LARP1B: variants seen among roughly 807,000 people sequenced by gnomAD.
The protein encoded by LARP1B is la-related protein 1B.
In LARP1B, 76 loss-of-function variants were observed where a neutral mutation model predicts 114.2. The ratio of observed to expected loss-of-function variants is 0.67; its 90% CI spans 0.55 to 0.81. The LOEUF is 0.81. Ranked by LOEUF, LARP1B falls within the 30% of genes least tolerant of loss-of-function variation. The probability of loss-of-function intolerance (pLI) is 0.00; values close to 1 mark genes in which losing one functional copy is unlikely to be tolerated. For missense variants in LARP1B, 1,014 were observed against 1,075.8 expected, an observed-to-expected ratio of 0.94 and a Z score of 0.80; for synonymous variants, 345 against 348.0, an observed-to-expected ratio of 0.99 and a Z score of 0.10.
In LARP1B at chr4:128,209,934, C is replaced by T; in HGVS notation, c.2626C>T (p.Pro876Ser). The T allele has an allele frequency of 6.2e-7, 1 of 1,613,920 alleles. No homozygotes were observed. The highest frequency in any genetic ancestry group is 8.5e-7 in the Non-Finnish European group (1 of 1,179,830). ...GGAGAGTAATCGTCATAGACTTCCACCTAATTCCTCTACAAAGCCACCAAA... is the reference window on the plus strand; with the variant it reads ...GGAGAGTAATCGTCATAGACTTCCATCTAATTCCTCTACAAAGCCACCAAA... ...GEESNRHRLPPNSSTKPPNAA... is the reference protein window; with the variant it reads ...GEESNRHRLPSNSSTKPPNAA... Residue 876 changes from proline (P) to serine (S), a missense_variant, in exon 20 of 20, where the codon CCT (proline) becomes TCT (serine). Transcript: ENST00000326639.
chr4:128,071,192 G>A (rs1417229916), intron 1 of LARP1B, among the ~76,000 whole-genome samples: 7 of 151,480 alleles, frequency 4.6e-5, no homozygotes, highest in African/African-American at 1.2e-4. Context: ...GACTACAGGC[G>A]CCCGCCACCA....
intron 10 of LARP1B, among the ~76,000 whole-genome samples, chr4:128,121,041 C>T (rs1787784516): frequency 1.3e-5 from 2 of 151,182 alleles, no homozygotes; most frequent in Admixed American, 1.3e-4. Context: ...GAACTCCTGA[C>T]CTTGTGATCC....
chr4:128,212,492 A>C (rs934463339), downstream of LARP1B, among the ~76,000 whole-genome samples: 1 of 151,964 alleles, frequency 6.6e-6, no homozygotes, highest in Non-Finnish European at 1.5e-5. Flanking sequence ...CTAAAAATAC[A>C]AAAAACTAGC....
At chr4:128,187,501 G>T (rs1007052665) in intron 15 of LARP1B, among the ~76,000 whole-genome samples, 4 of 152,196 alleles carry the variant, frequency 2.6e-5, no homozygotes, top group Non-Finnish European at 5.9e-5. Context: ...TTTACCCAAG[G>T]CCTATACCTC....
In LARP1B at chr4:128,211,933, A is replaced by G. The variant is rs1328448131; in HGVS notation, c.*1880A>G. Reference sequence around the variant, plus strand: ...GTAATACATGTACATTGGGAAATTTAGAAAAGCACAAAGAAGAAAATAAAG... The same window carrying G: ...GTAATACATGTACATTGGGAAATTTGGAAAAGCACAAAGAAGAAAATAAAG... On this transcript the variant is annotated 3_prime_UTR_variant, in exon 20 of 20. Transcript: ENST00000326639. 3.8e-6 allele frequency: 1 copy of G among 264,900 alleles called. No homozygotes were observed. Among genetic ancestry groups the G allele is most frequent in the East Asian group, 1.8e-4 (1 of 5,684 alleles). The allele number at this position is 264,900 out of a possible 1,614,324, so 16.4% of individuals were successfully genotyped here. A position where few individuals can be genotyped will look rare whatever the true frequency, so the allele number is the denominator to read the frequency against.
At chr4:128,080,623 G>T (rs558151368) in intron 4 of LARP1B, among the ~76,000 whole-genome samples, 1 of 152,232 alleles carries the variant, frequency 6.6e-6, no homozygotes, top group African/African-American at 2.4e-5. Flanking sequence ...AGAAAATTTA[G>T]ATTGGGCAGA....
chr4:128,166,409 T>G (rs1456371292), intron 12 of LARP1B, among the ~76,000 whole-genome samples: 1 of 151,956 alleles, frequency 6.6e-6, no homozygotes, highest in African/African-American at 2.4e-5. Flanking sequence ...CTAGCCTGTC[T>G]CCCTCCTTTC....
chr4:128,173,217 A>C (rs940772144), intron 12 of LARP1B, among the ~76,000 whole-genome samples: 6 of 152,136 alleles, frequency 3.9e-5, no homozygotes, highest in Non-Finnish European at 7.4e-5. Context: ...GGCTGAAACT[A>C]GCCTGCCACG....
At chr4:128,066,369 G>A (rs62335637) in intron 1 of LARP1B, among the ~76,000 whole-genome samples, 87,829 of 150,990 alleles carry the variant, frequency 0.58, 26,480 homozygotes, top group Middle Eastern at 0.8. Flanking sequence ...TAGTAGAGAC[G>A]GGATTTCACC....
intron 11 of LARP1B, among the ~76,000 whole-genome samples, chr4:128,132,111 A>G (rs141911272): frequency 5.3e-5 from 8 of 152,336 alleles, no homozygotes; most frequent in South Asian, 2.1e-4. Context: ...GTTCTTGTAC[A>G]TGAATGTTCA....
rs552805263 is a variant in LARP1B at position 128,078,103 on chromosome 4, C to T, written c.217+141C>T. 119 of 548,244 alleles carry T rather than the reference C, an allele frequency of 2.2e-4. 1 individual carries two copies. The highest frequency in any genetic ancestry group is 5.0e-4 in the Middle Eastern group (1 of 2,014). 34.0% of individuals were successfully genotyped at this position (548,244 alleles called of 1,614,324 possible). A position where few individuals can be genotyped will look rare whatever the true frequency, so the allele number is the denominator to read the frequency against. On this transcript the variant is annotated intron_variant, in intron 4 of 19. Coordinates refer to ENST00000326639, the MANE Select transcript of LARP1B (RefSeq NM_018078.4). ...GGATAAACAATCTGCAGAGGTAACT[C>T]ATTTGCTTTTGTAACATTTCTGAAC...
intron 5 of LARP1B, among the ~76,000 whole-genome samples, chr4:128,085,353 C>CTTTTTTTTTTT (rs35260726): frequency 1.2e-5 from 1 of 85,846 alleles, no homozygotes; most frequent in Non-Finnish European, 2.1e-5. Flanking sequence ...CCTTAGCTTC[C>CTTTTTTTTTTT]TTTTTTTTTT....
intron 11 of LARP1B, among the ~76,000 whole-genome samples, chr4:128,149,516 G>A (rs1309347474): frequency 1.3e-5 from 2 of 152,132 alleles, no homozygotes; most frequent in African/African-American, 4.8e-5. Flanking sequence ...AATAACCTAC[G>A]TGAGAATGAA....
chr4:128,212,535 T>TA (rs1280009840), downstream of LARP1B, among the ~76,000 whole-genome samples: 2 of 151,926 alleles, frequency 1.3e-5, no homozygotes, highest in Non-Finnish European at 2.9e-5. Context: ...TAATCTCAGC[T>TA]ACTGGGGAGG....
At chr4:128,181,931 G>T (rs1444707421) in intron 15 of LARP1B, among the ~76,000 whole-genome samples, 1 of 150,310 alleles carries the variant, frequency 6.7e-6, no homozygotes, top group Non-Finnish European at 1.5e-5. Context: ...TCAGCCTCCT[G>T]AGTAGCTGGG....
Position 128,091,075 on chromosome 4 carries a change from C to G in LARP1B, c.433C>G (p.Arg145Gly), listed in dbSNP as rs758035260. The G allele has an allele frequency of 6.2e-7, 1 of 1,613,746 alleles. No homozygotes were observed. The highest frequency in any genetic ancestry group is 2.2e-5 in the East Asian group (1 of 44,872). ...TGTGAGAAGTGAGGGTGGTAATATCCGAGGTTCCTTTAGAGGTCGAGGAAG... is the reference window on the plus strand; with the variant it reads ...TGTGAGAAGTGAGGGTGGTAATATCGGAGGTTCCTTTAGAGGTCGAGGAAG... ...SSVRSEGGNI[R>G]GSFRGRGRGR... The change falls in exon 6 of 20, where the codon CGA (arginine) becomes GGA (glycine). Residue 145 changes from arginine (R) to glycine (G), a missense_variant. By Grantham distance (125) the Arg-to-Gly change is moderately radical. Transcript: ENST00000326639.
Position 128,210,202 on chromosome 4 carries a change from G to A in LARP1B, c.*149G>A. On this transcript the variant is annotated 3_prime_UTR_variant, in exon 20 of 20. Transcript: ENST00000326639. ...GGTGTTTAATTGTGATAATAAGAAA[G>A]AAGAAAAAGAAAGAAAAGTGGTAGC... The A allele has an allele frequency of 1.4e-6, 2 of 1,433,300 alleles. No homozygotes were observed. The highest frequency in any genetic ancestry group is 1.4e-5 in the African/African-American group (1 of 69,908). The allele number at this position is 1,433,300 out of a possible 1,614,324, so 88.8% of individuals were successfully genotyped here.
intron 15 of LARP1B, 56 bp from the exon 16 acceptor site, chr4:128,199,383 A>G (rs1755222030): frequency 7.2e-7 from 1 of 1,383,302 alleles, no homozygotes; most frequent in Non-Finnish European, 9.6e-7. Context: ...AAATTGGTTC[A>G]TATACTTGGT....
At chr4:128,100,257 G>A (rs965100331) in intron 8 of LARP1B, among the ~76,000 whole-genome samples, 1 of 149,070 alleles carries the variant, frequency 6.7e-6, no homozygotes, top group African/African-American at 2.5e-5. Context: ...GCTACCGCGC[G>A]CCTGGCCTGA....
Sources: gnomAD v4.1 joint callset for allele counts (sites outside exome capture counted in the v4.1 genomes callset) on GRCh38, gnomAD v4.1.1 for gene constraint, MANE v1.5 for transcripts, NCBI Gene and HGNC (gene_info 2026-07-23, HGNC 2026-07-21) for gene names.